The following OSBPL9 variants were observed in gnomAD, a reference collection of about 807,000 sequenced individuals.
OSBPL9 encodes oxysterol-binding protein-related protein 9.
A neutral mutation model predicts 106.6 loss-of-function variants in OSBPL9; 40 were observed. The observed-to-expected ratio is 0.38, with a 90% confidence interval of 0.29 to 0.49. The LOEUF is 0.49. Among genes scored for constraint, OSBPL9 ranks in the 20% least tolerant of loss-of-function variants. OSBPL9 has a pLI of 0.97. For missense variants in OSBPL9, 609 were observed against 887.2 expected, an observed-to-expected ratio of 0.69 and a Z score of 3.98; for synonymous variants, 269 against 295.4, an observed-to-expected ratio of 0.91 and a Z score of 0.92.
chr1:51,701,512 C>A (rs1657232816), intron 3 of OSBPL9, among the ~76,000 whole-genome samples: 1 of 152,104 alleles, frequency 6.6e-6, no homozygotes, highest in African/African-American at 2.4e-5. Context: ...CTATAACATA[C>A]TCACTTGTCT....
chr1:51,521,420 T>C, the OSBPL9 span, among the ~76,000 whole-genome samples: 2 of 152,306 alleles, frequency 1.3e-5, no homozygotes, highest in South Asian at 4.1e-4. Context: ...AACCCTGCCA[T>C]GTAGTTTCCG....
At chr1:51,609,360 T>A (rs1303184214) in intron 2 of OSBPL9, among the ~76,000 whole-genome samples, 1 of 149,944 alleles carries the variant, frequency 6.7e-6, no homozygotes, top group African/African-American at 2.5e-5. Context: ...TTTTTTTTTT[T>A]AGAGATAGGG....
intron 1 of OSBPL9, among the ~76,000 whole-genome samples, chr1:51,582,177 T>A (rs879469577): frequency 9.9e-5 from 15 of 152,182 alleles, no homozygotes; most frequent in Non-Finnish European, 1.8e-4. Context: ...TAAGGCAAAT[T>A]TTCCAGGTAC....
At chr1:51,772,575 A>G in intron 13 of OSBPL9, 30 bp from the exon 14 acceptor site, 2 of 1,531,946 alleles carry the variant, frequency 1.3e-6, no homozygotes, top group Non-Finnish European at 1.8e-6. Context: ...CCAATTTAGC[A>G]CCATTCTAAT....
chr1:51,783,378 G>T (rs115922620), intron 17 of OSBPL9, among the ~76,000 whole-genome samples: 1,837 of 143,134 alleles, frequency 0.013, 35 homozygotes, highest in African/African-American at 0.046. Flanking sequence ...TAGAGTCAGT[G>T]TATCACTATG....
intron 1 of OSBPL9, among the ~76,000 whole-genome samples, chr1:51,625,973 A>G (rs1644742181): frequency 6.6e-6 from 1 of 152,264 alleles, no homozygotes; most frequent in African/African-American, 2.4e-5. Context: ...AAATTATTGT[A>G]AAAGTTGATT....
intron 8 of OSBPL9, among the ~76,000 whole-genome samples, chr1:51,754,246 A>G (rs1465346106): frequency 6.6e-6 from 1 of 152,258 alleles, no homozygotes. Context: ...GTGATTTACT[A>G]GAACACTATT....
intron 20 of OSBPL9, chr1:51,785,339 A>G (rs2149162016): frequency 6.4e-6 from 1 of 156,996 alleles, no homozygotes; most frequent in Non-Finnish European, 1.4e-5. Context: ...TGCAGAATGG[A>G]TCCTTGCTCA....
chr1:51,533,008 GTAAT>G, the OSBPL9 span, among the ~76,000 whole-genome samples: 4 of 152,134 alleles, frequency 2.6e-5, no homozygotes, highest in South Asian at 2.1e-4. Context: ...ATGGTAATTG[GTAAT>G]TAATTGGTAA....
At chr1:51,737,494 G>A (rs1465149866) in intron 4 of OSBPL9, among the ~76,000 whole-genome samples, 1 of 151,512 alleles carries the variant, frequency 6.6e-6, no homozygotes, top group Non-Finnish European at 1.5e-5. Flanking sequence ...CCATTCCCTA[G>A]GGGTAACTGC....
chr1:51,693,210 C>T (rs1557697411), intron 3 of OSBPL9, among the ~76,000 whole-genome samples: 1 of 151,212 alleles, frequency 6.6e-6, no homozygotes. Flanking sequence ...CCTGTTTCTA[C>T]AAAAAATAAA....
At chr1:51,703,234 G>A (rs756955850) in intron 3 of OSBPL9, among the ~76,000 whole-genome samples, 2 of 152,200 alleles carry the variant, frequency 1.3e-5, no homozygotes, top group Non-Finnish European at 2.9e-5. Flanking sequence ...ACCTTGGGCA[G>A]TGTGGCCATT....
At position 51,787,421 on chromosome 1, in the gene OSBPL9, G is replaced by A. The variant is rs1214501337; in HGVS notation, c.2069G>A (p.Arg690Lys). Residue 690 changes from arginine to lysine, a missense_variant, in exon 23 of 24, where the codon AGG becomes AAG. Transcript: ENST00000428468. ...DIDAATEAKH[R>K]LEERQRAEAR... is the part of the protein sequence containing the mutation. Reference sequence around the variant, plus strand: ...GATGCAGCAACTGAAGCAAAGCACAGGCTTGAAGAAAGACAAAGAGCAGAA... The same window carrying A: ...GATGCAGCAACTGAAGCAAAGCACAAGCTTGAAGAAAGACAAAGAGCAGAA... 1 of 1,613,948 alleles carries A rather than the reference G, an allele frequency of 6.2e-7. No homozygotes were observed. Among genetic ancestry groups the A allele is most frequent in the African/African-American group, 1.3e-5 (1 of 74,896 alleles).
chr1:51,730,032 GC>G, intron 4 of OSBPL9: 1 of 1,303,484 alleles, frequency 7.7e-7, no homozygotes, highest in Non-Finnish European at 9.8e-7. Flanking sequence ...TGGGAGAGGG[GC>G]CGGCCCCTAC....
At chr1:51,571,544 G>A in the OSBPL9 span, among the ~76,000 whole-genome samples, 1 of 152,110 alleles carries the variant, frequency 6.6e-6, no homozygotes, top group African/African-American at 2.4e-5. Context: ...GTACATGCCT[G>A]TAGTCCCAGC....
At chr1:51,632,226 T>G (rs1645153115) in intron 1 of OSBPL9, among the ~76,000 whole-genome samples, 1 of 152,218 alleles carries the variant, frequency 6.6e-6, no homozygotes, top group Non-Finnish European at 1.5e-5. Flanking sequence ...TAATTGTATG[T>G]GCTATATTTT....
intron 1 of OSBPL9, among the ~76,000 whole-genome samples, chr1:51,644,780 C>G (rs1000363621): frequency 3.3e-5 from 5 of 152,178 alleles, no homozygotes; most frequent in African/African-American, 1.2e-4. Flanking sequence ...ACTTTGCCCG[C>G]AGATTCTTCA....
intron 11 of OSBPL9, among the ~76,000 whole-genome samples, chr1:51,762,517 A>G (rs1016784347): frequency 2.6e-5 from 4 of 152,200 alleles, no homozygotes; most frequent in Non-Finnish European, 5.9e-5. Flanking sequence ...TTACCTTAAC[A>G]TTTATTTGGT....
At chr1:51,526,993 C>G in the OSBPL9 span, among the ~76,000 whole-genome samples, 1 of 152,092 alleles carries the variant, frequency 6.6e-6, no homozygotes, top group African/African-American at 2.4e-5. Context: ...ATCTGCCCAC[C>G]TAGGCCTCCT....
Sources: gnomAD v4.1 joint callset for allele counts (sites outside exome capture counted in the v4.1 genomes callset) on GRCh38, gnomAD v4.1.1 for gene constraint, MANE v1.5 for transcripts, NCBI Gene and HGNC (gene_info 2026-07-23, HGNC 2026-07-21) for gene names.